Variants in ISL2 observed in about 807,000 individuals in gnomAD.
ISL2 encodes the protein insulin gene enhancer protein ISL-2.
In ISL2, 17 loss-of-function variants were observed where a neutral mutation model predicts 34.6. That is an observed-to-expected ratio of 0.49 (90% CI 0.34 to 0.74). The LOEUF is 0.74. ISL2 is among the 30% of genes least tolerant of loss of function. ISL2 has a pLI of 0.01. For missense variants in ISL2, 469 were observed against 515.2 expected (o/e 0.91, Z 0.87); for synonymous variants, 232 against 225.5 (o/e 1.03, Z -0.26).
chr15:76,340,654 C>A, intron 4 of ISL2, 95 bp downstream of exon 4: 2 of 1,237,364 alleles, frequency 1.6e-6, no homozygotes, highest in South Asian at 1.4e-5. Flanking sequence ...CCTGGGAGAT[C>A]CAGGGAGAAC....
chr15:76,340,340 C>G lies in ISL2; in HGVS notation c.576C>G (p.Thr192=), dbSNP rs200114561. The G allele has an allele frequency of 3.9e-5, 63 of 1,612,616 alleles. No individual in the cohort carries two copies. The Middle Eastern group carries it at 1.3e-3, about 32-fold the overall frequency. ...TGCACAAGCAGACGGAGAAGACGAC[C>G]CGCGTGCGGACTGTGCTGAACGAGA... ...PHVHKQTEKT[T]RVRTVLNEKQ... The change falls in exon 4 of 6, where the codon ACC becomes ACG. Residue 192 remains threonine, a synonymous_variant. Transcript: ENST00000290759.
chr15:76,338,525 C>A lies in ISL2; in HGVS notation c.511+11C>A. 7.7e-7 allele frequency: 1 copy of A among 1,300,454 alleles called. No individual in the cohort carries two copies. Among genetic ancestry groups the A allele is most frequent in the East Asian group, 3.0e-5 (1 of 33,086 alleles). 80.6% of individuals were successfully genotyped at this position (1,300,454 alleles called of 1,614,324 possible). A position where few individuals can be genotyped will look rare whatever the true frequency, so the allele number is the denominator to read the frequency against. On this transcript the variant is annotated intron_variant, in intron 3 of 5. Transcript: ENST00000290759. ...GCCTGCATCTGCCCGGTAAGCGCGC[C>A]GGGGCCTGTGCCGGGGTGAGCGGGG...
In ISL2 at chr15:76,341,723, CCTT is replaced by C. The variant is rs760249433; in HGVS notation, c.971_973del (p.Phe324del). On this transcript the variant is annotated inframe_deletion, in exon 6 of 6. Transcript: ENST00000290759. Reference sequence around the variant, plus strand: ...CCGGTGTTTCCGCCGCCCCAGGTCTCCTTCTCCGAGTCCGGCTCCCTAGGCAAC... The same window carrying C: ...CCGGTGTTTCCGCCGCCCCAGGTCTCCTCCGAGTCCGGCTCCCTAGGCAAC... 17 of 1,612,752 alleles carry C rather than the reference CCTT, an allele frequency of 1.1e-5. No individual in the cohort carries two copies. Among genetic ancestry groups the C allele is most frequent in the East Asian group, 6.7e-5 (3 of 44,852 alleles).
chr15:76,338,733 C>T (rs1261311684), intron 3 of ISL2: 4 of 985,276 alleles, frequency 4.1e-6, no homozygotes, highest in Middle Eastern at 5.2e-4. Context: ...TGTGTGAGCA[C>T]GGAGAATTGT....
chr15:76,341,406 G>T (rs1596241229), intron 5 of ISL2, 105 bp downstream of exon 5: 2 of 1,124,784 alleles, frequency 1.8e-6, no homozygotes, highest in East Asian at 5.2e-5. Context: ...CTGAGGGGCT[G>T]GGTACAGCCC....
At chr15:76,339,393 T>G in intron 3 of ISL2, 1 of 985,414 alleles carries the variant, frequency 1.0e-6, no homozygotes, top group Non-Finnish European at 1.2e-6. Context: ...ACCGAAATGG[T>G]GCAGTACAGA....
At chr15:76,338,045 G>A in intron 2 of ISL2, 78 bp downstream of exon 2, 1 of 1,323,208 alleles carries the variant, frequency 7.6e-7, no homozygotes, top group Non-Finnish European at 9.8e-7. Context: ...GCCTGCCCGC[G>A]CGCCCCGGCC....
chr15:76,342,218 G>A lies in ISL2; in HGVS notation c.*383G>A, dbSNP rs2040200072. On this transcript the variant is annotated 3_prime_UTR_variant, in exon 6 of 6. Transcript: ENST00000290759. ...CCCTGCCCCAGCTCAGCGCTCCCTG[G>A]CGGCTTCGCCCGGGCTCCTAGCGGG... 1 of 178,322 alleles carries A rather than the reference G, an allele frequency of 5.6e-6. No homozygotes were observed. The highest frequency in any genetic ancestry group is 2.4e-5 in the African/African-American group (1 of 42,486). The allele number at this position is 178,322 out of a possible 1,614,324, so 11.0% of individuals were successfully genotyped here.
At position 76,341,225 on chromosome 15, in the gene ISL2, C is replaced by T; in HGVS notation, c.887C>T (p.Thr296Met). 1 of 1,611,822 alleles carries T rather than the reference C, an allele frequency of 6.2e-7. No homozygotes were observed. The highest frequency in any genetic ancestry group is 8.5e-7 in the Non-Finnish European group (1 of 1,179,482). The change falls in exon 5 of 6, where the codon ACG (threonine) becomes ATG (methionine). Residue 296 changes from threonine to methionine, a missense_variant. Transcript: ENST00000290759. ...CAGGGCAGCGCAGTGGAGGTGCAGA[C>T]GTACCAGCCGCCGTGGAAGGCGCTC... The part of the protein sequence containing the change: ...AVQGSAVEVQ[T>M]YQPPWKALSE...
chr15:76,340,639 C>G, intron 4 of ISL2, 80 bp downstream of exon 4: 2 of 1,427,312 alleles, frequency 1.4e-6, no homozygotes, highest in Non-Finnish European at 1.9e-6. Flanking sequence ...CTTTTCTGGG[C>G]GAGCCCTGGG....
Position 76,341,764 on chromosome 15 carries a change from G to A in ISL2, c.1009G>A (p.Asp337Asn). 1.9e-6 allele frequency: 3 copies of A among 1,613,982 alleles called. No individual in the cohort carries two copies. The South Asian group carries it at 3.3e-5, about 18-fold the overall frequency. ...SGSLGNSSGSDVTSLSSQLPD... is the reference protein window; with the variant it reads ...SGSLGNSSGSNVTSLSSQLPD... ...CTCCCTAGGCAACTCCTCCGGCAGC[G>A]ACGTGACCTCCCTGTCCTCGCAGCT... Residue 337 changes from aspartate (D) to asparagine (N), a missense_variant, in exon 6 of 6, where the codon GAC becomes AAC. By Grantham distance (23) the Asp-to-Asn change is conservative (BLOSUM62 1). Coordinates refer to ENST00000290759, the MANE Select transcript of ISL2 (RefSeq NM_145805.3).
Position 76,340,633 on chromosome 15 carries a change from TCTGGGCGAGCC to T in ISL2, c.795+80_795+90del, listed in dbSNP as rs1033393738. 7 of 1,455,924 alleles carry T rather than the reference TCTGGGCGAGCC, an allele frequency of 4.8e-6. No homozygotes were observed. In the African/African-American group the frequency reaches 9.8e-5, roughly 20 times the overall value. The allele number at this position is 1,455,924 out of a possible 1,614,324, so 90.2% of individuals were successfully genotyped here. ...CCGCCGCGGTATCTGCGTGCCCTTT[TCTGGGCGAGCC>T]CTGGGAGATCCAGGGAGAACTGGGC... On this transcript the variant is annotated intron_variant, in intron 4 of 5. Transcript: ENST00000290759.
intron 3 of ISL2, 22 bp downstream of exon 3, chr15:76,338,536 C>T: frequency 7.7e-7 from 1 of 1,295,844 alleles, no homozygotes; most frequent in Non-Finnish European, 9.7e-7. Context: ...GGGGCCTGTG[C>T]CGGGGTGAGC....
intron 3 of ISL2, chr15:76,338,919 T>G (rs144963064): frequency 1.0e-6 from 1 of 985,366 alleles, no homozygotes; most frequent in Non-Finnish European, 1.2e-6. Flanking sequence ...TGTGTGTAAG[T>G]AACACAGCTC....
At chr15:76,339,833 C>T (rs1275830206) in intron 3 of ISL2, 6 of 1,004,762 alleles carry the variant, frequency 6.0e-6, no homozygotes, top group Non-Finnish European at 7.1e-6. Context: ...CCACCCAGTC[C>T]CCTGGGCAGC....
In ISL2 at chr15:76,340,262, C is replaced by A. The variant is rs749457511; in HGVS notation, c.512-14C>A. Reference sequence around the variant, plus strand: ...GGCCCCTCGCTAACCTCTGGCCTCACCCTGTCCTGGCAGACGCTGGGTCGG... The same window carrying A: ...GGCCCCTCGCTAACCTCTGGCCTCAACCTGTCCTGGCAGACGCTGGGTCGG... On this transcript the variant is annotated splice_polypyrimidine_tract_variant and intron_variant, in intron 3 of 5. Coordinates refer to ENST00000290759, the MANE Select transcript of ISL2 (RefSeq NM_145805.3). 1 of 1,584,790 alleles carries A rather than the reference C, an allele frequency of 6.3e-7. No homozygotes were observed. Among genetic ancestry groups the A allele is most frequent in the East Asian group, 2.3e-5 (1 of 44,362 alleles).
intron 1 of ISL2, 26 bp from the exon 2 acceptor site, chr15:76,337,752 C>A (rs748590835): frequency 1.2e-5 from 18 of 1,538,932 alleles, no homozygotes; most frequent in Middle Eastern, 1.7e-4. Context: ...TCAGGCCTGA[C>A]GCGGCCCCGC....
At chr15:76,341,432 G>C in intron 5 of ISL2, 131 bp downstream of exon 5, 1 of 834,820 alleles carries the variant, frequency 1.2e-6, no homozygotes, top group Non-Finnish European at 1.8e-6. Context: ...GGTGGGGGAG[G>C]GGGAACAGTG....
At chr15:76,338,204 G>C (rs375989232) in intron 2 of ISL2, 48 bp from the exon 3 acceptor site, 922 of 1,511,916 alleles carry the variant, frequency 6.1e-4, no homozygotes, top group Non-Finnish European at 7.9e-4. Flanking sequence ...AGGGAGATGA[G>C]GGCGGCCGCA....
Sources: allele counts gnomAD v4.1 joint callset, GRCh38; gene constraint gnomAD v4.1.1; transcripts MANE v1.5; gene names NCBI Gene and HGNC (gene_info 2026-07-23, HGNC 2026-07-21).